Variants in AP1G2 observed in about 807,000 individuals in gnomAD.
The protein encoded by AP1G2 is AP-1 complex subunit gamma-like 2.
In AP1G2, 85 loss-of-function variants were observed where a neutral mutation model predicts 95.8. That is an observed-to-expected ratio of 0.89 (90% confidence interval 0.74 to 1.06). AP1G2 has a LOEUF of 1.06. Ranked by LOEUF, AP1G2 falls within the 50% of genes least tolerant of loss-of-function variation. The pLI, the probability that AP1G2 is intolerant of heterozygous loss-of-function variation, is 0.00. For synonymous variants in AP1G2, 378 were observed against 400.0 expected, an observed-to-expected ratio of 0.94 and a Z score of 0.66; for missense variants, 967 against 1,005.8, an observed-to-expected ratio of 0.96 and a Z score of 0.52.
At chr14:23,564,265 C>T (rs373033249) in intron 10 of AP1G2, 68 bp downstream of exon 10, 72 of 1,613,660 alleles carry the variant, frequency 4.5e-5, no homozygotes, top group African/African-American at 2.4e-4. Flanking sequence ...TCAGGAGGCT[C>T]TGGAGGAAGG....
chr14:23,566,219 C>T, intron 4 of AP1G2, 59 bp from the exon 5 acceptor site: 2 of 1,605,264 alleles, frequency 1.2e-6, no homozygotes, highest in African/African-American at 2.7e-5. Context: ...GCATCTACTA[C>T]TATATAGCAC....
At position 23,560,229 on chromosome 14, in the gene AP1G2, A is replaced by T. The variant is rs111546494; in HGVS notation, c.2157+26T>A. On this transcript the variant is annotated intron_variant, in intron 20 of 21. Coordinates refer to ENST00000397120, the MANE Select transcript of AP1G2 (RefSeq NM_003917.5). ...CCTTTTCTCCTGGAGTCCCCAGGCC[A>T]CCTCTGAACTCTGATCTTTACAAAC... The T allele has an allele frequency of 1.2e-5, 19 of 1,610,718 alleles. No homozygotes were observed. The African/African-American group carries it at 1.3e-4, about 11-fold the overall frequency.
chr14:23,562,437 G>A, intron 15 of AP1G2, 22 bp from the exon 16 acceptor site: 1 of 1,614,130 alleles, frequency 6.2e-7, no homozygotes, highest in Non-Finnish European at 8.5e-7. Flanking sequence ...GATACAGTTA[G>A]TGGCCCTGGT....
Position 23,566,094 on chromosome 14 carries a change from A to G in AP1G2, c.538T>C (p.Cys180Arg), listed in dbSNP as rs1022414546. 6.2e-7 allele frequency: 1 copy of G among 1,614,002 alleles called. No homozygotes were observed. The highest frequency in any genetic ancestry group is 8.5e-7 in the Non-Finnish European group (1 of 1,179,902). Residue 180 changes from cysteine to arginine, a missense_variant, in exon 5 of 22, where the codon TGT becomes CGT. Physicochemically the swap from Cys to Arg is radical, Grantham distance 180. Coordinates refer to ENST00000397120, the MANE Select transcript of AP1G2 (RefSeq NM_003917.5). ...PELSSVFLPP[C>R]AQLLHERHHG... The stretch of plus-strand genomic sequence containing the variant: ...TGACGCTCATGAAGCAGTTGGGCAC[A>G]GGGTGGGAGGAAGACACTGGAGAGT...
In AP1G2 at chr14:23,563,996, G is replaced by A. The variant is rs112187971; in HGVS notation, c.1091+50C>T. On this transcript the variant is annotated intron_variant, in intron 11 of 21. Transcript: ENST00000397120. ...AAACTGGCTCGAGTCTTGGCCACAG[G>A]GCACTGGGAACCTCTGCCCTGCCCT... 5.0e-5 allele frequency: 81 copies of A among 1,611,060 alleles called. No homozygotes were observed. In the African/African-American group the frequency reaches 8.7e-4, roughly 17 times the overall value.
In AP1G2 at chr14:23,563,446, C is replaced by T. The variant is rs759093157; in HGVS notation, c.1344G>A (p.Gly448=). The T allele has an allele frequency of 6.2e-7, 1 of 1,613,338 alleles. No homozygotes were observed. Among genetic ancestry groups the T allele is most frequent in the Non-Finnish European group, 8.5e-7 (1 of 1,179,824 alleles). Residue 448 remains glycine (G), a synonymous_variant, in exon 14 of 22, where the codon GGG becomes GGA. Coordinates refer to ENST00000397120, the MANE Select transcript of AP1G2 (RefSeq NM_003917.5). The stretch of plus-strand genomic sequence containing the variant: ...CAGAGTAGGCATGTAGCTCCTGGGC[C>T]CCCCCAATCAGCTGGGTCAGGTTGG... ...AVANLTQLIG[G]AQELHAYSVR...
intron 2 of AP1G2, 127 bp downstream of exon 2, chr14:23,566,984 A>G: frequency 9.3e-7 from 1 of 1,077,458 alleles, no homozygotes. Context: ...AGAGGTTTGC[A>G]GTGCAGGCTG....
intron 7 of AP1G2, 97 bp from the exon 8 acceptor site, chr14:23,565,296 T>G: frequency 7.7e-7 from 1 of 1,290,984 alleles, no homozygotes; most frequent in Non-Finnish European, 1.1e-6. Context: ...TCTGGCTCGC[T>G]CCCTAGAGCC....
chr14:23,564,773 G>C, intron 8 of AP1G2, 113 bp from the exon 9 acceptor site: 1 of 957,576 alleles, frequency 1.0e-6, no homozygotes, highest in Non-Finnish European at 1.6e-6. Flanking sequence ...GACCTCCCAG[G>C]CTCTGATGAT....
At chr14:23,564,230 A>G in intron 10 of AP1G2, 71 bp from the exon 11 acceptor site, 1 of 1,612,458 alleles carries the variant, frequency 6.2e-7, no homozygotes, top group Non-Finnish European at 8.5e-7. Flanking sequence ...TCCTGGGTAT[A>G]GGGATAAGAT....
chr14:23,562,524 C>T lies in AP1G2; in HGVS notation c.1480G>A (p.Glu494Lys), dbSNP rs762536663. 46 of 1,614,216 alleles carry T rather than the reference C, an allele frequency of 2.8e-5. No individual in the cohort carries two copies. Among genetic ancestry groups the T allele is most frequent in the South Asian group, 3.3e-5 (3 of 91,088 alleles). The change falls in exon 15 of 22, where the codon GAG (glutamate) becomes AAG (lysine). Residue 494 changes from glutamate to lysine, a missense_variant. By Grantham distance (56) the Glu-to-Lys change is moderately conservative. Transcript: ENST00000397120. ...YGDLLLAGNCEEIEPLQVDEE... is the reference protein window; with the variant it reads ...YGDLLLAGNCKEIEPLQVDEE... ...CTCACCTGAAGGGGCTCAATCTCCT[C>T]GCAGTTCCCTGCCAGCAGGAGGTCC...
rs1888237114 is a variant in AP1G2, at chr14:23,566,778, C to T, written c.205-92G>A. On this transcript the variant is annotated intron_variant, in intron 2 of 21. Coordinates refer to ENST00000397120, the MANE Select transcript of AP1G2 (RefSeq NM_003917.5). ...ATCTTCCTCTTTAAAACCAGATTAA[C>T]CTGTGGGGCATCATATCTCATCACT... 1.5e-5 allele frequency: 23 copies of T among 1,526,120 alleles called. No individual in the cohort carries two copies. The South Asian group carries it at 2.7e-4, about 18-fold the overall frequency. The allele number at this position is 1,526,120 out of a possible 1,614,324, so 94.5% of individuals were successfully genotyped here.
At position 23,567,144 on chromosome 14, in the gene AP1G2, G is replaced by T; in HGVS notation, c.171C>A (p.Val57=). Residue 57 remains valine (V), a synonymous_variant, in exon 2 of 22, where the codon GTC becomes GTA. Coordinates refer to ENST00000397120, the MANE Select transcript of AP1G2 (RefSeq NM_003917.5). This position sits in a 1 kb window ranked among gnomAD's most constrained non-coding sequence, Gnocchi z 5.3. ...AGTGGGCGGGGTAGCCCAACATGTG[G>T]ACGTAGAGCAGTTTGGCCAGCTGCC... ...RHRQLAKLLY[V]HMLGYPAHFG... The T allele has an allele frequency of 1.2e-6, 2 of 1,612,542 alleles. No individual in the cohort carries two copies. The highest frequency in any genetic ancestry group is 1.7e-6 in the Non-Finnish European group (2 of 1,179,218).
rs1194610997 is a variant in AP1G2, at chr14:23,562,598, A to G, written c.1411-5T>C. On this transcript the variant is annotated splice_polypyrimidine_tract_variant and splice_region_variant and intron_variant, in intron 14 of 21. Transcript: ENST00000397120. ...TGCCACCTGCACCAGTGGTTGCTAC[A>G]TGGGATAAGAAACTGCTGGGCTGGC... The G allele has an allele frequency of 1.2e-6, 2 of 1,613,282 alleles. No individual in the cohort carries two copies. The highest frequency in any genetic ancestry group is 1.7e-5 in the Admixed American group (1 of 59,946).
chr14:23,561,458 G>C (rs755294637), intron 18 of AP1G2, 27 bp from the exon 19 acceptor site: 1 of 1,613,932 alleles, frequency 6.2e-7, no homozygotes, highest in Non-Finnish European at 8.5e-7. Flanking sequence ...AAGGGGCAGG[G>C]CTGGGTATGA....
chr14:23,564,617 ACCGCATTTC>A lies in AP1G2; in HGVS notation c.857_865del (p.Gly286_Ala288del), dbSNP rs753769712. ...GATGGTGAGTACTGTCTCAAACAGGACCGCATTTCCGGCATTTCGGCTGGTGTCCGTGTT... is the reference window on the plus strand; with the variant it reads ...GATGGTGAGTACTGTCTCAAACAGGACGGCATTTCGGCTGGTGTCCGTGTT... On this transcript the variant is annotated inframe_deletion, in exon 9 of 22. Coordinates refer to ENST00000397120, the MANE Select transcript of AP1G2 (RefSeq NM_003917.5). 6.2e-7 allele frequency: 1 copy of A among 1,613,782 alleles called. No individual in the cohort carries two copies. The highest frequency in any genetic ancestry group is 8.5e-7 in the Non-Finnish European group (1 of 1,180,012).
intron 16 of AP1G2, 105 bp from the exon 17 acceptor site, chr14:23,562,171 A>G (rs1885156082): frequency 6.3e-7 from 1 of 1,592,444 alleles, no homozygotes; most frequent in African/African-American, 1.3e-5. Flanking sequence ...TGGCTCAAAA[A>G]CAAGAACCTA....
rs1176250817 is a variant in AP1G2 at position 23,563,617 on chromosome 14, C to T, written c.1254G>A (p.Trp418Ter). The T allele has an allele frequency of 6.2e-7, 1 of 1,614,178 alleles. No homozygotes were observed. Among genetic ancestry groups the T allele is most frequent in the South Asian group, 1.1e-5 (1 of 91,088 alleles). ...GCACATGCAGGATGGTGTCTATGTG[C>T]CAGCGTTTGGTTGGAGCAAACCTAG... ...AAERFAPTKR[W>*]HIDTILHVLT... The change falls in exon 13 of 22, where the codon TGG becomes TGA. Residue 418 changes from tryptophan (W) to a stop codon, truncating the protein, a stop_gained. Coordinates refer to ENST00000397120, the MANE Select transcript of AP1G2 (RefSeq NM_003917.5). LOFTEE classifies it high-confidence loss of function.
Position 23,562,345 on chromosome 14 carries a change from C to A in AP1G2, c.1571G>T (p.Arg524Leu). ...LQSHMSLPAT[R>L]GYALTALMKL... Reference sequence around the variant, plus strand: ...CATGAGGGCTGTGAGGGCATATCCTCGAGTGGCTGGCAGGGACATGTGGGA... The same window carrying A: ...CATGAGGGCTGTGAGGGCATATCCTAGAGTGGCTGGCAGGGACATGTGGGA... Residue 524 changes from arginine (R) to leucine (L), a missense_variant, in exon 16 of 22, where the codon CGA becomes CTA. Arg to Leu is a moderately radical substitution (Grantham distance 102, BLOSUM62 -2). Transcript: ENST00000397120. The A allele has an allele frequency of 1.2e-6, 2 of 1,614,192 alleles. No individual in the cohort carries two copies.
Sources: allele counts gnomAD v4.1 joint callset, GRCh38; gene constraint gnomAD v4.1.1; non-coding constraint Gnocchi (gnomAD v3.1); transcripts MANE v1.5; gene names NCBI Gene and HGNC (gene_info 2026-07-23, HGNC 2026-07-21).